The following EFNA5 variants were observed in gnomAD, a reference collection of about 807,000 sequenced individuals.
EFNA5 encodes the protein ephrin-A5.
Under a neutral mutation model 22.9 loss-of-function variants are expected in EFNA5, and 5 were observed. The observed-to-expected ratio is 0.22, with a 90% CI of 0.11 to 0.46. EFNA5 has a LOEUF of 0.46. EFNA5 is among the 20% of genes least tolerant of loss of function. The pLI, the probability that EFNA5 is intolerant of heterozygous loss-of-function variation, is 0.99. For missense variants in EFNA5, 237 were observed against 293.3 expected (o/e 0.81, Z 1.40); for synonymous variants, 113 against 112.2 (o/e 1.01, Z -0.04).
intron 2 of EFNA5, among the ~76,000 whole-genome samples, chr5:107,422,435 A>G (rs911916055): frequency 1.1e-4 from 16 of 152,264 alleles, no homozygotes; most frequent in African/African-American, 3.6e-4. Flanking sequence ...TAGAGAATGC[A>G]GAGAACAAGG....
intron 1 of EFNA5, among the ~76,000 whole-genome samples, chr5:107,629,182 C>G (rs998900410): frequency 6.6e-6 from 1 of 151,776 alleles, no homozygotes; most frequent in East Asian, 1.9e-4. Context: ...TCTACACACA[C>G]AAAAAATTCA....
intron 1 of EFNA5, among the ~76,000 whole-genome samples, chr5:107,643,661 GAAGT>G (rs1430907061): frequency 6.6e-6 from 1 of 151,764 alleles, no homozygotes; most frequent in East Asian, 1.9e-4. Context: ...TACCATTTAT[GAAGT>G]AAGCTTGACG....
intron 2 of EFNA5, among the ~76,000 whole-genome samples, chr5:107,397,085 ATT>A (rs1168081880): frequency 7.0e-6 from 1 of 142,436 alleles, no homozygotes; most frequent in Non-Finnish European, 1.5e-5. Flanking sequence ...CCACTCTTTA[ATT>A]TTTTTTTTTG....
chr5:107,468,335 T>C (rs913566933), intron 1 of EFNA5, among the ~76,000 whole-genome samples: 5 of 152,206 alleles, frequency 3.3e-5, no homozygotes, highest in African/African-American at 1.2e-4. Flanking sequence ...CAAAATTGCT[T>C]TTAATGACAG....
At chr5:107,660,261 CATATATATAT>C (rs56838945) in intron 1 of EFNA5, among the ~76,000 whole-genome samples, 791 of 52,338 alleles carry the variant, frequency 0.015, 17 homozygotes, top group Middle Eastern at 0.032. Context: ...ATGGCAAAAA[CATATATATAT>C]ATATATATAT....
Position 107,474,793 on chromosome 5 carries a change from G to A in EFNA5, c.126-47284C>T, listed in dbSNP as rs570086469. 8.3e-5 allele frequency among the ~76,000 whole-genome samples: 10 copies of A among 119,980 alleles called. No individual in the cohort carries two copies. In the East Asian group the frequency reaches 1.9e-3, roughly 23 times the overall value. The allele number at this position is 119,980 out of a possible 152,430, so 78.7% of individuals were successfully genotyped here. A position where few individuals can be genotyped will look rare whatever the true frequency, so the allele number is the denominator to read the frequency against. ...CAGAATGATGCTGGCTGACCTGCCA[G>A]AGGCAAGAAGAAGCCCCGAAGATCT... On this transcript the variant is annotated intron_variant, in intron 1 of 4. Coordinates refer to ENST00000333274, the MANE Select transcript of EFNA5 (RefSeq NM_001962.3).
chr5:107,541,174 A>C (rs1173927237), intron 1 of EFNA5, among the ~76,000 whole-genome samples: 1 of 147,448 alleles, frequency 6.8e-6, no homozygotes, highest in African/African-American at 2.5e-5. Context: ...ATGGGATGTA[A>C]AAGTAATTAT....
At position 107,406,553 on chromosome 5, in the gene EFNA5, A is replaced by G. The variant is rs964696104; in HGVS notation, c.419-18782T>C. On this transcript the variant is annotated intron_variant, in intron 2 of 4. Coordinates refer to ENST00000333274, the MANE Select transcript of EFNA5 (RefSeq NM_001962.3). ...CCTTTCCTGACTATTTCATACATAC[A>G]CACACACAGGTATACACATACAATA... 2.6e-5 allele frequency among the ~76,000 whole-genome samples: 4 copies of G among 152,050 alleles called. No homozygotes were observed. The South Asian group carries it at 6.2e-4, about 24-fold the overall frequency.
At chr5:107,639,065 C>A (rs1337515396) in intron 1 of EFNA5, among the ~76,000 whole-genome samples, 1 of 152,222 alleles carries the variant, frequency 6.6e-6, no homozygotes, top group South Asian at 2.1e-4. Context: ...AAAAATTCAG[C>A]CTTCAGTTAT....
At chr5:107,611,830 A>G (rs554347660) in intron 1 of EFNA5, among the ~76,000 whole-genome samples, 3 of 152,364 alleles carry the variant, frequency 2.0e-5, no homozygotes, top group Non-Finnish European at 4.4e-5. Context: ...CATGAACCCA[A>G]GTCCTTGACT....
chr5:107,403,452 C>T (rs1748135879), intron 2 of EFNA5, among the ~76,000 whole-genome samples: 1 of 152,200 alleles, frequency 6.6e-6, no homozygotes, highest in South Asian at 2.1e-4. Flanking sequence ...GATGTCTCTT[C>T]TCTTTATCAG....
At chr5:107,590,258 T>G (rs1397236538) in intron 1 of EFNA5, among the ~76,000 whole-genome samples, 1 of 152,156 alleles carries the variant, frequency 6.6e-6, no homozygotes, top group African/African-American at 2.4e-5. Flanking sequence ...CTTCCTATAT[T>G]CTAAACTCTA....
At chr5:107,474,580 C>T (rs1166621163) in intron 1 of EFNA5, among the ~76,000 whole-genome samples, 5 of 151,930 alleles carry the variant, frequency 3.3e-5, no homozygotes, top group African/African-American at 9.7e-5. Context: ...GCATTACGAA[C>T]GAGGAATGGT....
At chr5:107,511,039 TGTGA>T (rs776941132) in intron 1 of EFNA5, among the ~76,000 whole-genome samples, 37 of 150,678 alleles carry the variant, frequency 2.5e-4, no homozygotes, top group Non-Finnish European at 3.7e-4. Context: ...TGTGTGTGTG[TGTGA>T]GACGGAGAGT....
chr5:107,656,564 G>GT (rs1750829602), intron 1 of EFNA5, among the ~76,000 whole-genome samples: 1 of 152,076 alleles, frequency 6.6e-6, no homozygotes, highest in Non-Finnish European at 1.5e-5. Flanking sequence ...TATATAAAGT[G>GT]AGATTCACAA....
At chr5:107,443,073 T>C (rs1749300368) in intron 1 of EFNA5, among the ~76,000 whole-genome samples, 2 of 176 alleles carry the variant, frequency 0.011, no homozygotes, top group Non-Finnish European at 0.022. Flanking sequence ...TGTCTGTAGA[T>C]GAGCTCTTGG....
chr5:107,479,626 C>A (rs1750404987), intron 1 of EFNA5, among the ~76,000 whole-genome samples: 1 of 152,182 alleles, frequency 6.6e-6, no homozygotes, highest in South Asian at 2.1e-4. Flanking sequence ...ATGAGACTTT[C>A]ATTCAGAGGT....
chr5:107,647,086 C>T (rs780755431), intron 1 of EFNA5, among the ~76,000 whole-genome samples: 1 of 151,710 alleles, frequency 6.6e-6, no homozygotes, highest in African/African-American at 2.4e-5. Context: ...ATGTTATCAC[C>T]CTGACAATAT....
chr5:107,399,191 C>T (rs1456828860), intron 2 of EFNA5, among the ~76,000 whole-genome samples: 3 of 152,078 alleles, frequency 2.0e-5, no homozygotes, highest in East Asian at 3.9e-4. Flanking sequence ...GTGGCTCACG[C>T]CTGTAATCCC....
Sources: allele counts gnomAD v4.1 joint callset (sites outside exome capture counted in the v4.1 genomes callset), GRCh38; gene constraint gnomAD v4.1.1; transcripts MANE v1.5; gene names NCBI Gene and HGNC (gene_info 2026-07-23, HGNC 2026-07-21).